TTC28: variants seen among roughly 807,000 people sequenced by gnomAD.
TTC28 encodes the protein tetratricopeptide repeat protein 28.
TTC28 carries 61 observed loss-of-function variants against 198.0 expected under a neutral mutation model. The ratio of observed to expected loss-of-function variants is 0.31; its 90% CI spans 0.25 to 0.38. The LOEUF is 0.38. TTC28 is among the 10% of genes least tolerant of loss of function. The probability of loss-of-function intolerance (pLI) is 1.00; values close to 1 mark genes in which losing one functional copy is unlikely to be tolerated. For missense variants in TTC28, 2,678 were observed against 3,164.0 expected, an observed-to-expected ratio of 0.85 and a Z score of 3.69; for synonymous variants, 1,171 against 1,297.8, an observed-to-expected ratio of 0.90 and a Z score of 2.10.
At chr22:28,461,778 T>A (rs1462120427) in intron 2 of TTC28, among the ~76,000 whole-genome samples, 1 of 152,118 alleles carries the variant, frequency 6.6e-6, no homozygotes, top group African/African-American at 2.4e-5. Context: ...CTCTCACCAA[T>A]CCTGTCCTCC....
At chr22:27,985,433 C>T in intron 21 of TTC28, 77 bp from the exon 22 acceptor site, 1 of 1,129,838 alleles carries the variant, frequency 8.9e-7, no homozygotes, top group Non-Finnish European at 1.3e-6. Context: ...TATAGGGCTC[C>T]TTGTGCAACT....
intron 14 of TTC28, chr22:28,002,450 C>G (rs1413282593): frequency 6.6e-6 from 1 of 152,282 alleles, no homozygotes; most frequent in African/African-American, 2.4e-5. Context: ...GGACACCCAC[C>G]AGGGTGCCAC....
intron 1 of TTC28, among the ~76,000 whole-genome samples, chr22:28,669,485 C>G (rs899300915): frequency 6.6e-6 from 1 of 150,934 alleles, no homozygotes; most frequent in African/African-American, 2.4e-5. Flanking sequence ...ACCTAAGTAC[C>G]CGGCCTTATT....
chr22:28,669,422 GA>G (rs1459334595), intron 1 of TTC28, among the ~76,000 whole-genome samples: 2 of 151,930 alleles, frequency 1.3e-5, no homozygotes, highest in Non-Finnish European at 2.9e-5. Flanking sequence ...AATATTCCCA[GA>G]AGTGTGACCA....
intron 5 of TTC28, among the ~76,000 whole-genome samples, chr22:28,192,388 T>G (rs1924905464): frequency 6.6e-6 from 1 of 152,156 alleles, no homozygotes; most frequent in Admixed American, 6.5e-5. Flanking sequence ...GTGCCTCTCC[T>G]CCTTCAAAGG....
intron 5 of TTC28, among the ~76,000 whole-genome samples, chr22:28,286,036 G>C (rs747280413): frequency 6.6e-6 from 1 of 151,132 alleles, no homozygotes; most frequent in Non-Finnish European, 1.5e-5. Flanking sequence ...ATCTCACTCT[G>C]TCACCCAGGC....
At chr22:27,998,497 GC>G in intron 16 of TTC28, 42 bp downstream of exon 16, 1 of 1,520,994 alleles carries the variant, frequency 6.6e-7, no homozygotes. Context: ...TGAGGACTGA[GC>G]CCCAGGCCTT....
intron 13 of TTC28, among the ~76,000 whole-genome samples, chr22:28,016,753 G>T (rs1938394589): frequency 2.0e-5 from 3 of 152,220 alleles, no homozygotes; most frequent in Admixed American, 2.0e-4. Flanking sequence ...GCTCTAGGGA[G>T]TTCTCAGGAC....
At chr22:27,994,204 G>A (rs562496652) in intron 17 of TTC28, among the ~76,000 whole-genome samples, 1 of 152,306 alleles carries the variant, frequency 6.6e-6, no homozygotes, top group South Asian at 2.1e-4. Flanking sequence ...AACACTTTGG[G>A]AGGCCAAGAC....
chr22:28,371,508 T>C (rs1161801900), intron 2 of TTC28, among the ~76,000 whole-genome samples: 1 of 538 alleles, frequency 1.9e-3, no homozygotes, highest in Non-Finnish European at 4.8e-3. Flanking sequence ...AGACCCTGTC[T>C]CAAAAAAAAA....
intron 5 of TTC28, among the ~76,000 whole-genome samples, chr22:28,196,972 A>C (rs981403978): frequency 6.6e-6 from 1 of 152,046 alleles, no homozygotes; most frequent in African/African-American, 2.4e-5. Flanking sequence ...ACATGCACAC[A>C]TATGTTTATT....
At chr22:28,144,655 G>T (rs928857856) in intron 6 of TTC28, among the ~76,000 whole-genome samples, 2 of 152,232 alleles carry the variant, frequency 1.3e-5, no homozygotes, top group African/African-American at 4.8e-5. Flanking sequence ...CTGAGGGCTT[G>T]CTATGTGCTA....
intron 12 of TTC28, among the ~76,000 whole-genome samples, chr22:28,081,795 A>T (rs1941373757): frequency 6.6e-6 from 1 of 152,190 alleles, no homozygotes; most frequent in South Asian, 2.1e-4. Flanking sequence ...CCCGGCTGCC[A>T]CTAGGATTTT....
At chr22:28,335,212 A>G (rs1299102057) in intron 2 of TTC28, among the ~76,000 whole-genome samples, 1 of 152,044 alleles carries the variant, frequency 6.6e-6, no homozygotes, top group African/African-American at 2.4e-5. Flanking sequence ...CCATTGGTCT[A>G]TATCTCTGTT....
chr22:28,061,739 T>C (rs1239533693), intron 12 of TTC28, among the ~76,000 whole-genome samples: 1 of 152,228 alleles, frequency 6.6e-6, no homozygotes, highest in East Asian at 1.9e-4. Context: ...AAGTAGTTTT[T>C]TCCAATTCTG....
Position 28,243,174 on chromosome 22 carries a change from C to CA in TTC28, c.933+53023dup, listed in dbSNP as rs754700795. ...GCAACCTGGCAAAACCCCCTCTCTA[C>CA]AAAAAAAAAAAAAAAAAAAAAAAAA... On this transcript the variant is annotated intron_variant, in intron 5 of 22. Transcript: ENST00000397906. 1.4e-3 allele frequency among the ~76,000 whole-genome samples: 93 copies of CA among 68,324 alleles called. 13 individuals are homozygous for CA. Among genetic ancestry groups the CA allele is most frequent in the East Asian group, 2.5e-3 (4 of 1,608 alleles). 44.8% of individuals were successfully genotyped at this position (68,324 alleles called of 152,430 possible). A position where few individuals can be genotyped will look rare whatever the true frequency, so the allele number is the denominator to read the frequency against.
chr22:28,468,852 C>T (rs918112295), intron 2 of TTC28, among the ~76,000 whole-genome samples: 5 of 151,790 alleles, frequency 3.3e-5, no homozygotes, highest in South Asian at 2.1e-4. Flanking sequence ...TGCTATCTTG[C>T]GGGTTACAAT....
Position 28,365,724 on chromosome 22 carries a change from C to T in TTC28, c.382-59081G>A, listed in dbSNP as rs576581383. Among the ~76,000 whole-genome samples, 4 of 152,316 alleles carry T rather than the reference C, an allele frequency of 2.6e-5. No homozygotes were observed. The South Asian group carries it at 8.3e-4, about 32-fold the overall frequency. ...AACACATGTACACATGCATATTTGTCTGTGTATTACTTCTAATCACTTCTC... is the reference window on the plus strand; with the variant it reads ...AACACATGTACACATGCATATTTGTTTGTGTATTACTTCTAATCACTTCTC... On this transcript the variant is annotated intron_variant, in intron 2 of 22. Coordinates refer to ENST00000397906, the MANE Select transcript of TTC28 (RefSeq NM_001145418.2).
At chr22:27,992,879 C>G in intron 18 of TTC28, 1 of 597,498 alleles carries the variant, frequency 1.7e-6, no homozygotes, top group Middle Eastern at 4.5e-4. Flanking sequence ...GACCCTGCCG[C>G]AGTCCTCTAG....
Sources: allele counts gnomAD v4.1 joint callset (sites outside exome capture counted in the v4.1 genomes callset), GRCh38; gene constraint gnomAD v4.1.1; transcripts MANE v1.5; gene names NCBI Gene and HGNC (gene_info 2026-07-23, HGNC 2026-07-21).